NRCAM: variants seen among roughly 807,000 people sequenced by gnomAD.
The protein encoded by NRCAM is neuronal cell adhesion molecule, also known as NgCAM-related cell adhesion molecule.
Under a neutral mutation model 156.5 loss-of-function variants are expected in NRCAM, and 83 were observed. The ratio of observed to expected loss-of-function variants is 0.53; its 90% CI spans 0.44 to 0.64. The LOEUF (loss-of-function observed/expected upper bound fraction) is 0.64. Among genes scored for constraint, NRCAM ranks in the 30% least tolerant of loss-of-function variants. NRCAM has a pLI of 0.00. For synonymous variants in NRCAM, 538 were observed against 563.9 expected (o/e 0.95, Z 0.65); for missense variants, 1,417 against 1,597.3 (o/e 0.89, Z 1.92).
At chr7:108,188,379 C>CTG (rs71137612) in intron 20 of NRCAM, among the ~76,000 whole-genome samples, 1,564 of 150,360 alleles carry the variant, frequency 0.01, 36 homozygotes, top group African/African-American at 0.034. Context: ...TCTGAGTCCT[C>CTG]TGTGTGTGTG....
intron 2 of NRCAM, among the ~76,000 whole-genome samples, chr7:108,395,559 T>C (rs1217177191): frequency 6.6e-6 from 1 of 152,216 alleles, no homozygotes; most frequent in Non-Finnish European, 1.5e-5. Context: ...GTTGGAATAC[T>C]GCCCATGCAA....
intron 3 of NRCAM, among the ~76,000 whole-genome samples, chr7:108,257,797 T>C (rs2153976627): frequency 6.6e-6 from 1 of 152,288 alleles, no homozygotes; most frequent in African/African-American, 2.4e-5. Context: ...CAAATCAAAA[T>C]TGCTTTTAAC....
intron 32 of NRCAM, chr7:108,150,677 T>C (rs1467267165): frequency 1.9e-6 from 1 of 530,252 alleles, no homozygotes; most frequent in Non-Finnish European, 3.9e-6. Flanking sequence ...CAGGCCAGAC[T>C]GTAAACTTCA....
intron 20 of NRCAM, 23 bp downstream of exon 20, chr7:108,189,622 A>G (rs2069796004): frequency 2.1e-6 from 2 of 962,218 alleles, no homozygotes; most frequent in South Asian, 2.6e-5. Flanking sequence ...TTGATCGGAA[A>G]TAGAGCAAAT....
At chr7:108,315,325 T>C (rs1447051173) in intron 2 of NRCAM, among the ~76,000 whole-genome samples, 1 of 152,094 alleles carries the variant, frequency 6.6e-6, no homozygotes, top group Non-Finnish European at 1.5e-5. Context: ...GTTCCATTCA[T>C]ACTTAACTGG....
chr7:108,273,152 G>A (rs1254389172), intron 3 of NRCAM, among the ~76,000 whole-genome samples: 1 of 152,124 alleles, frequency 6.6e-6, no homozygotes, highest in Non-Finnish European at 1.5e-5. Flanking sequence ...TATTATTGAT[G>A]GGCATTTGGG....
chr7:108,171,638 G>T (rs1439947494), intron 28 of NRCAM, among the ~76,000 whole-genome samples: 2 of 152,042 alleles, frequency 1.3e-5, no homozygotes, highest in African/African-American at 4.8e-5. Context: ...CAAAAAAAAT[G>T]GTTCACACCT....
At chr7:108,162,415 T>G (rs1354614102) in intron 30 of NRCAM, among the ~76,000 whole-genome samples, 4 of 152,242 alleles carry the variant, frequency 2.6e-5, no homozygotes, top group Non-Finnish European at 4.4e-5. Flanking sequence ...CCAAATGGCA[T>G]TAAGTCTCTT....
chr7:108,252,676 A>C (rs1242845176), intron 3 of NRCAM, among the ~76,000 whole-genome samples: 1 of 152,228 alleles, frequency 6.6e-6, no homozygotes, highest in Non-Finnish European at 1.5e-5. Flanking sequence ...TTCTCTGTCC[A>C]TTTAACTAAA....
At chr7:108,341,655 A>G (rs903399416) in intron 2 of NRCAM, among the ~76,000 whole-genome samples, 6 of 152,132 alleles carry the variant, frequency 3.9e-5, no homozygotes, top group African/African-American at 1.4e-4. Context: ...TGAGCAAAAA[A>G]TGCCCATCCT....
chr7:108,150,160 G>A lies in NRCAM; in HGVS notation c.3678-13C>T. 1 of 1,578,532 alleles carries A rather than the reference G, an allele frequency of 6.3e-7. No homozygotes were observed. Among genetic ancestry groups the A allele is most frequent in the Middle Eastern group, 1.7e-4 (1 of 5,856 alleles). On this transcript the variant is annotated splice_polypyrimidine_tract_variant and intron_variant, in intron 32 of 32. Transcript: ENST00000379028. ...GTCTTCTGCATCACTGGAAGAAAGA[G>A]AAAACATTTTTGTCAAGATTGGCAT... is the stretch of plus-strand genomic sequence containing the variant.
At chr7:108,233,380 G>C (rs1481096926) in intron 6 of NRCAM, among the ~76,000 whole-genome samples, 1 of 152,134 alleles carries the variant, frequency 6.6e-6, no homozygotes, top group Non-Finnish European at 1.5e-5. Context: ...TGGTGGTGTG[G>C]ATGCTACTGG....
intron 6 of NRCAM, among the ~76,000 whole-genome samples, chr7:108,233,420 C>T (rs1019586024): frequency 2.0e-5 from 3 of 152,136 alleles, no homozygotes; most frequent in Admixed American, 6.6e-5. Context: ...ACGGATGCTG[C>T]CAAATATCCT....
At chr7:108,324,092 A>C (rs2099036412) in intron 2 of NRCAM, among the ~76,000 whole-genome samples, 3 of 152,038 alleles carry the variant, frequency 2.0e-5, no homozygotes, top group Admixed American at 6.6e-5. Context: ...GCTTCCACTG[A>C]GTGAAATGGG....
chr7:108,293,218 C>T (rs911091694), intron 3 of NRCAM, among the ~76,000 whole-genome samples: 1 of 152,146 alleles, frequency 6.6e-6, no homozygotes, highest in African/African-American at 2.4e-5. Context: ...ATAGGCCTGA[C>T]CCCAACTGAG....
At position 108,363,351 on chromosome 7, in the gene NRCAM, G is replaced by A. The variant is rs73189207; in HGVS notation, c.-174+36085C>T. Among the ~76,000 whole-genome samples, 551 of 152,036 alleles carry A rather than the reference G, an allele frequency of 3.6e-3. 2 individuals are homozygous for A. The highest frequency in any genetic ancestry group is 6.2e-3 in the Non-Finnish European group (422 of 67,968). ...TGCAGTGGTGCGCTCATAGTACGACGTTGGCTTCCTGCAACCTCCACCTCC... is the reference window on the plus strand; with the variant it reads ...TGCAGTGGTGCGCTCATAGTACGACATTGGCTTCCTGCAACCTCCACCTCC... On this transcript the variant is annotated intron_variant, in intron 2 of 32. Transcript: ENST00000379028.
intron 7 of NRCAM, among the ~76,000 whole-genome samples, chr7:108,232,096 A>T (rs1589298036): frequency 6.6e-6 from 1 of 151,996 alleles, no homozygotes; most frequent in Non-Finnish European, 1.5e-5. Flanking sequence ...TTTTAACCCC[A>T]ATGTCTTACA....
chr7:108,402,009 C>T (rs1433748158), intron 1 of NRCAM, among the ~76,000 whole-genome samples: 2 of 152,206 alleles, frequency 1.3e-5, no homozygotes, highest in Non-Finnish European at 2.9e-5. Context: ...TACACACACA[C>T]TTCCAAATTA....
At chr7:108,304,916 T>C (rs2098692403) in intron 3 of NRCAM, among the ~76,000 whole-genome samples, 1 of 152,190 alleles carries the variant, frequency 6.6e-6, no homozygotes, top group South Asian at 2.1e-4. Context: ...AAGAAGTCTA[T>C]TATAATGTAG....
Sources: gnomAD v4.1 joint callset for allele counts (sites outside exome capture counted in the v4.1 genomes callset) on GRCh38, gnomAD v4.1.1 for gene constraint, MANE v1.5 for transcripts, NCBI Gene and HGNC (gene_info 2026-07-23, HGNC 2026-07-21) for gene names.